Variants in PARD6G observed in about 807,000 individuals in gnomAD.
PARD6G encodes par-6 family cell polarity regulator gamma, also known as partitioning defective 6 homolog gamma.
In PARD6G, 7 loss-of-function variants were observed where a neutral mutation model predicts 10.7. The ratio of observed to expected loss-of-function variants is 0.66; its 90% confidence interval spans 0.37 to 1.23. The LOEUF is 1.23. Among genes scored for constraint, PARD6G ranks in the 50% most tolerant of loss-of-function variants. The probability of loss-of-function intolerance (pLI) is 0.02; values close to 1 mark genes in which losing one functional copy is unlikely to be tolerated. For synonymous variants in PARD6G, 287 were observed against 269.4 expected, an observed-to-expected ratio of 1.07 and a Z score of -0.64; for missense variants, 548 against 571.8, an observed-to-expected ratio of 0.96 and a Z score of 0.42.
At chr18:80,230,830 T>C (rs1241330744) in intron 1 of PARD6G, among the ~76,000 whole-genome samples, 1 of 152,158 alleles carries the variant, frequency 6.6e-6, no homozygotes, top group Non-Finnish European at 1.5e-5. Flanking sequence ...TCAGAGTCTC[T>C]GCCAAGCTTT....
rs539971528 is a variant in PARD6G at position 80,164,257 on chromosome 18, C to G, written c.296-3651G>C. ...TGGCCTTTGTATTTTGTCCATGGGC[C>G]CCACAGTCTTGAGTGGGCCTCTCCT... On this transcript the variant is annotated intron_variant, in intron 2 of 2. Transcript: ENST00000353265. Among the ~76,000 whole-genome samples the G allele has an allele frequency of 2.8e-4, 43 of 152,252 alleles. No individual in the cohort carries two copies. In the South Asian group the frequency reaches 8.7e-3, roughly 31 times the overall value.
chr18:80,224,123 A>G (rs1202399936), intron 1 of PARD6G, among the ~76,000 whole-genome samples: 2 of 152,258 alleles, frequency 1.3e-5, no homozygotes, highest in Non-Finnish European at 2.9e-5. Flanking sequence ...CCAAAACTGT[A>G]TATGAATGAT....
chr18:80,203,586 G>A (rs1240253607), intron 1 of PARD6G, among the ~76,000 whole-genome samples: 1 of 152,126 alleles, frequency 6.6e-6, no homozygotes, highest in Non-Finnish European at 1.5e-5. Flanking sequence ...TAATTTTTTG[G>A]GTGGCATGAA....
At chr18:80,210,644 G>A (rs1967097915) in intron 1 of PARD6G, among the ~76,000 whole-genome samples, 1 of 152,062 alleles carries the variant, frequency 6.6e-6, no homozygotes, top group Non-Finnish European at 1.5e-5. Context: ...TATGATCAAA[G>A]TTTAAAAAAA....
rs1299865330 is a variant in PARD6G at position 80,188,617 on chromosome 18, C to T, written c.295+14093G>A. 1.3e-5 allele frequency among the ~76,000 whole-genome samples: 2 copies of T among 152,208 alleles called. No homozygotes were observed. Among genetic ancestry groups the T allele is most frequent in the Non-Finnish European group, 2.9e-5 (2 of 68,036 alleles). ...CAGAGGAAGGGTCTCTCTGTTTCCC[C>T]ACCTATTGCTCTTGAGTTTTTATGA... is the stretch of plus-strand genomic sequence containing the variant. On this transcript the variant is annotated intron_variant, in intron 2 of 2. Coordinates refer to ENST00000353265, the MANE Select transcript of PARD6G (RefSeq NM_032510.4). The surrounding 1 kb of genome is among the most constrained non-coding windows in gnomAD (Gnocchi z 5.4).
intron 2 of PARD6G, among the ~76,000 whole-genome samples, chr18:80,195,277 G>A (rs1279626486): frequency 6.6e-6 from 1 of 151,982 alleles, no homozygotes; most frequent in Non-Finnish European, 1.5e-5. Flanking sequence ...TGCTAGACTT[G>A]AACTCTGCAG....
chr18:80,207,653 G>T (rs1172032593), intron 1 of PARD6G, among the ~76,000 whole-genome samples: 1 of 152,106 alleles, frequency 6.6e-6, no homozygotes, highest in African/African-American at 2.4e-5. Context: ...TAAGTGTACA[G>T]TTCAGGAGTG....
At position 80,193,155 on chromosome 18, in the gene PARD6G, G is replaced by A. The variant is rs182466217; in HGVS notation, c.295+9555C>T. Among the ~76,000 whole-genome samples, 538 of 152,186 alleles carry A rather than the reference G, an allele frequency of 3.5e-3. 1 individual carries two copies. The highest frequency in any genetic ancestry group is 6.4e-3 in the Non-Finnish European group (437 of 68,016). ...CTGATGCCAGTATCACAGAAGGCTC[G>A]CTCCTGACCCTGACGTCCTCCCCAC... On this transcript the variant is annotated intron_variant, in intron 2 of 2. Transcript: ENST00000353265.
At chr18:80,174,375 G>T (rs2052795585) in intron 2 of PARD6G, among the ~76,000 whole-genome samples, 1 of 152,176 alleles carries the variant, frequency 6.6e-6, no homozygotes, top group African/African-American at 2.4e-5. Context: ...CTAGGTGACA[G>T]CAGGGTGATC....
intron 2 of PARD6G, among the ~76,000 whole-genome samples, chr18:80,172,986 C>T (rs145962335): frequency 6.6e-6 from 1 of 152,232 alleles, no homozygotes; most frequent in African/African-American, 2.4e-5. Context: ...AACAAGCACA[C>T]AAAAAACCAG....
At chr18:80,202,132 C>G (rs535332403) in intron 2 of PARD6G, 19 of 148,426 alleles carry the variant, frequency 1.3e-4, no homozygotes, top group African/African-American at 4.6e-4. Flanking sequence ...TTTGAAACAA[C>G]AAGGTTCTCC....
intron 1 of PARD6G, among the ~76,000 whole-genome samples, chr18:80,223,566 C>T (rs552333200): frequency 2.6e-4 from 40 of 152,278 alleles, no homozygotes; most frequent in Non-Finnish European, 4.1e-4. Flanking sequence ...AAAAAGATAA[C>T]ATGCTGATAA....
chr18:80,219,762 T>C (rs541010751), intron 1 of PARD6G, among the ~76,000 whole-genome samples: 178 of 152,322 alleles, frequency 1.2e-3, no homozygotes, highest in Non-Finnish European at 2.1e-3. Flanking sequence ...TTATTGTCCA[T>C]ATCACTATCA....
At position 80,182,901 on chromosome 18, in the gene PARD6G, T is replaced by C; in HGVS notation, c.295+19809A>G. On this transcript the variant is annotated intron_variant, in intron 2 of 2. Transcript: ENST00000353265. The surrounding 1 kb of genome is among the most constrained non-coding windows in gnomAD (Gnocchi z 4.5). ...TCTTAGTTCTAGGTACAGGGCTAGA[T>C]GTTTGGCTGAAGCTGCGTGTGCCAC... 1.7e-6 allele frequency: 1 copy of C among 586,566 alleles called. No homozygotes were observed. The allele number at this position is 586,566 out of a possible 1,614,324, so 36.3% of individuals were successfully genotyped here. A position where few individuals can be genotyped will look rare whatever the true frequency, so the allele number is the denominator to read the frequency against.
chr18:80,185,602 G>A (rs1419357334), intron 2 of PARD6G, among the ~76,000 whole-genome samples: 4 of 151,810 alleles, frequency 2.6e-5, no homozygotes, highest in African/African-American at 4.8e-5. Flanking sequence ...CAAGGGACAC[G>A]CACATGCTCC....
intron 1 of PARD6G, among the ~76,000 whole-genome samples, chr18:80,206,908 T>G (rs996652642): frequency 1.3e-5 from 2 of 151,186 alleles, no homozygotes; most frequent in African/African-American, 4.9e-5. Context: ...AAATGAAAGA[T>G]TCTTCAGATG....
rs543522408 is a variant in PARD6G at position 80,210,005 on chromosome 18, T to C, written c.73-7073A>G. On this transcript the variant is annotated intron_variant, in intron 1 of 2. Transcript: ENST00000353265. ...TAACTTCTTATCATAATTTTGACCC[T>C]TTTCCTTCCAGAAGAAGGGATAGAG... Among the ~76,000 whole-genome samples, 87 of 152,322 alleles carry C rather than the reference T, an allele frequency of 5.7e-4. 1 individual carries two copies. Among genetic ancestry groups the C allele is most frequent in the African/African-American group, 1.9e-3 (80 of 41,570 alleles).
intron 2 of PARD6G, among the ~76,000 whole-genome samples, chr18:80,167,023 G>A (rs2052740685): frequency 6.6e-6 from 1 of 152,050 alleles, no homozygotes; most frequent in Admixed American, 6.5e-5. Flanking sequence ...AGGGCTCCGT[G>A]TGTCACCGTA....
chr18:80,230,278 A>G (rs1036211225), intron 1 of PARD6G, among the ~76,000 whole-genome samples: 4 of 152,250 alleles, frequency 2.6e-5, no homozygotes, highest in African/African-American at 9.6e-5. Flanking sequence ...ACCTGTGCAC[A>G]TCTGTGCCCT....
Sources: allele counts gnomAD v4.1 joint callset (sites outside exome capture counted in the v4.1 genomes callset), GRCh38; gene constraint gnomAD v4.1.1; non-coding constraint Gnocchi (gnomAD v3.1); transcripts MANE v1.5; gene names NCBI Gene and HGNC (gene_info 2026-07-23, HGNC 2026-07-21).